TSPAN3: variants seen among roughly 807,000 people sequenced by gnomAD.
The protein encoded by TSPAN3 is tetraspanin-3.
A neutral mutation model predicts 31.1 loss-of-function variants in TSPAN3; 9 were observed. The observed-to-expected ratio is 0.29, with a 90% CI of 0.17 to 0.50. The LOEUF (loss-of-function observed/expected upper bound fraction) is 0.50. Ranked by LOEUF, TSPAN3 falls within the 20% of genes least tolerant of loss-of-function variation. The pLI, the probability that TSPAN3 is intolerant of heterozygous loss-of-function variation, is 0.98. For synonymous variants in TSPAN3, 129 were observed against 114.3 expected (o/e 1.13, Z -0.82); for missense variants, 252 against 313.5 (o/e 0.80, Z 1.48).
In TSPAN3 at chr15:77,066,981, A is replaced by C. The variant is rs182327328; in HGVS notation, c.63+3911T>G. Reference sequence around the variant, plus strand: ...ATCACACGTGGTGAGGGGGCTGAGTATGCTGGCTCACGTCTCTCTGCCTCT... The same window carrying C: ...ATCACACGTGGTGAGGGGGCTGAGTCTGCTGGCTCACGTCTCTCTGCCTCT... On this transcript the variant is annotated intron_variant, in intron 1 of 6. Coordinates refer to ENST00000267970, the MANE Select transcript of TSPAN3 (RefSeq NM_005724.6). 2.6e-3 allele frequency among the ~76,000 whole-genome samples: 395 copies of C among 152,218 alleles called. 10 individuals carry two copies. The East Asian group carries it at 0.065, about 25-fold the overall frequency.
chr15:77,051,152 G>A (rs938151049), intron 6 of TSPAN3, among the ~76,000 whole-genome samples: 1 of 151,890 alleles, frequency 6.6e-6, no homozygotes, highest in Non-Finnish European at 1.5e-5. Context: ...CTACTCCTCG[G>A]TCTCCCAAAG....
chr15:77,064,512 T>A (rs75650288), intron 1 of TSPAN3: 1 of 152,124 alleles, frequency 6.6e-6, no homozygotes, highest in Admixed American at 6.5e-5. Flanking sequence ...ATGATAAATA[T>A]CCTAGAAAGC....
chr15:77,070,426 C>A (rs2076860429), intron 1 of TSPAN3, among the ~76,000 whole-genome samples: 1 of 152,228 alleles, frequency 6.6e-6, no homozygotes, highest in East Asian at 1.9e-4. Flanking sequence ...GCCCCGGCTC[C>A]GCAGCGTCCC....
Position 77,056,073 on chromosome 15 carries a change from T to C in TSPAN3, c.246A>G (p.Gly82=), listed in dbSNP as rs1314224104. 6.2e-7 allele frequency: 1 copy of C among 1,607,402 alleles called. No homozygotes were observed. Among genetic ancestry groups the C allele is most frequent in the African/African-American group, 1.3e-5 (1 of 74,672 alleles). The change falls in exon 2 of 7, where the codon GGA becomes GGG. Residue 82 remains glycine, a synonymous_variant. Coordinates refer to ENST00000267970, the MANE Select transcript of TSPAN3 (RefSeq NM_005724.6). ...CCATIRESRC[G]LATFVIILLL... ...TCACAACACATCTTACCGTGGCAAG[T>C]CCACAGCGACTTTCCCGGATTGTGG...
At chr15:77,049,562 C>T (rs1223794174) in intron 6 of TSPAN3, among the ~76,000 whole-genome samples, 3 of 152,112 alleles carry the variant, frequency 2.0e-5, no homozygotes, top group Non-Finnish European at 4.4e-5. Context: ...AGAGTGGCTA[C>T]TCTCAAAGAA....
chr15:77,065,052 A>AT (rs1382852980), intron 1 of TSPAN3: 4 of 152,222 alleles, frequency 2.6e-5, no homozygotes, highest in Non-Finnish European at 5.9e-5. Flanking sequence ...TAGCAAGTAT[A>AT]TTTTTGCCTT....
chr15:77,045,159 T>A lies in TSPAN3; in HGVS notation c.*1676A>T, dbSNP rs2076682605. 6.6e-6 allele frequency: 1 copy of A among 152,212 alleles called. No individual in the cohort carries two copies. 9.4% of individuals were successfully genotyped at this position (152,212 alleles called of 1,614,324 possible). A position where few individuals can be genotyped will look rare whatever the true frequency, so the allele number is the denominator to read the frequency against. On this transcript the variant is annotated 3_prime_UTR_variant, in exon 7 of 7. Transcript: ENST00000267970. The stretch of plus-strand genomic sequence containing the variant: ...GTTCTCTAACTACTCCCTAGCTCTG[T>A]GACTTTGTTTCCCCAGTTGACTGAG...
At chr15:77,061,916 C>G (rs1438505441) in intron 1 of TSPAN3, among the ~76,000 whole-genome samples, 2 of 152,136 alleles carry the variant, frequency 1.3e-5, no homozygotes, top group African/African-American at 2.4e-5. Flanking sequence ...GTGAACTGCT[C>G]CCTTCGGAGT....
chr15:77,070,589 G>GGC (rs1234738562), intron 1 of TSPAN3, among the ~76,000 whole-genome samples: 5 of 152,130 alleles, frequency 3.3e-5, no homozygotes, highest in Non-Finnish European at 7.4e-5. Flanking sequence ...CTCCGGGGGG[G>GGC]GGAGACTGGG....
At chr15:77,055,894 C>A (rs747814096) in intron 2 of TSPAN3, 31 bp from the exon 3 acceptor site, 1 of 1,573,962 alleles carries the variant, frequency 6.4e-7, no homozygotes, top group Non-Finnish European at 8.6e-7. Flanking sequence ...AAATTATATA[C>A]AAATGAAAAA....
At chr15:77,052,680 A>T (rs2076739906) in intron 5 of TSPAN3, 97 bp downstream of exon 5, 1 of 1,384,000 alleles carries the variant, frequency 7.2e-7, no homozygotes. Context: ...GACATTAAAG[A>T]CAAGCAAGGT....
In TSPAN3 at chr15:77,071,097, G is replaced by T. The variant is rs1047055810; in HGVS notation, c.-143C>A. On this transcript the variant is annotated 5_prime_UTR_variant, in exon 1 of 7. Transcript: ENST00000267970. ...AGCCCCTGCGCCGTCGCGCAGCCCC[G>T]ACCCCAGCAAGTGCCTCGCTCCTCC... 4 of 465,342 alleles carry T rather than the reference G, an allele frequency of 8.6e-6. No homozygotes were observed. In the East Asian group the frequency reaches 1.3e-4, roughly 15 times the overall value. The allele number at this position is 465,342 out of a possible 1,614,324, so 28.8% of individuals were successfully genotyped here. A position where few individuals can be genotyped will look rare whatever the true frequency, so the allele number is the denominator to read the frequency against.
At chr15:77,070,582 C>CGG (rs146229066) in intron 1 of TSPAN3, among the ~76,000 whole-genome samples, 29,975 of 148,820 alleles carry the variant, frequency 0.2, 3,690 homozygotes, top group Middle Eastern at 0.28. Context: ...CCGGCGACTC[C>CGG]GGGGGGGGGA....
intron 1 of TSPAN3, among the ~76,000 whole-genome samples, chr15:77,060,177 T>G (rs77480849): frequency 0.09 from 13,729 of 152,216 alleles, 1,668 homozygotes; most frequent in African/African-American, 0.28. Flanking sequence ...AACATATAGT[T>G]AAAGGAACTT....
chr15:77,059,647 G>A (rs1475268538), intron 1 of TSPAN3, among the ~76,000 whole-genome samples: 1 of 152,032 alleles, frequency 6.6e-6, no homozygotes, highest in Non-Finnish European at 1.5e-5. Flanking sequence ...TACTCTAAAA[G>A]GCAGTATTTA....
intron 1 of TSPAN3, among the ~76,000 whole-genome samples, chr15:77,065,503 T>C (rs897527791): frequency 2.6e-5 from 4 of 152,170 alleles, no homozygotes; most frequent in African/African-American, 9.6e-5. Context: ...CGCCGCTCAC[T>C]ACAAGCTCCG....
Position 77,056,089 on chromosome 15 carries a change from C to T in TSPAN3, c.230G>A (p.Arg77Gln), listed in dbSNP as rs1159022122. The T allele has an allele frequency of 3.1e-6, 5 of 1,610,126 alleles. No individual in the cohort carries two copies. Among genetic ancestry groups the T allele is most frequent in the African/African-American group, 2.7e-5 (2 of 74,708 alleles). Residue 77 changes from arginine (R) to glutamine (Q), a missense_variant, in exon 2 of 7, where the codon CGG becomes CAG. Coordinates refer to ENST00000267970, the MANE Select transcript of TSPAN3 (RefSeq NM_005724.6). ...CGTGGCAAGTCCACAGCGACTTTCC[C>T]GGATTGTGGCACAGCAGCCAATTAG... ...IGLIGCCATI[R>Q]ESRCGLATFV...
intron 1 of TSPAN3, among the ~76,000 whole-genome samples, chr15:77,062,698 G>C (rs1025262000): frequency 2.2e-4 from 34 of 152,236 alleles, no homozygotes; most frequent in African/African-American, 7.9e-4. Context: ...CCACTTCCAG[G>C]AATCTATCCT....
chr15:77,065,458 G>A (rs1029181595), intron 1 of TSPAN3, among the ~76,000 whole-genome samples: 8 of 151,998 alleles, frequency 5.3e-5, no homozygotes, highest in Admixed American at 1.3e-4. Context: ...ATGGAGTCTC[G>A]CTCTGTCGCC....
Sources: allele counts gnomAD v4.1 joint callset (sites outside exome capture counted in the v4.1 genomes callset), GRCh38; gene constraint gnomAD v4.1.1; transcripts MANE v1.5; gene names NCBI Gene and HGNC (gene_info 2026-07-23, HGNC 2026-07-21).